The following PRSS54 variants were observed in gnomAD, a reference collection of about 807,000 sequenced individuals.
PRSS54 encodes serine protease 54, also known as inactive serine protease 54.
In PRSS54, 16 loss-of-function variants were observed where a neutral mutation model predicts 19.9. The observed-to-expected ratio is 0.80, with a 90% CI of 0.54 to 1.22. The LOEUF is 1.22. Among genes scored for constraint, PRSS54 ranks in the 50% most tolerant of loss-of-function variants. The pLI, the probability that PRSS54 is intolerant of heterozygous loss-of-function variation, is 0.00. For synonymous variants in PRSS54, 177 were observed against 195.8 expected (o/e 0.90, Z 0.80); for missense variants, 444 against 494.8 (o/e 0.90, Z 0.97).
intron 3 of PRSS54, 101 bp from the exon 4 acceptor site, chr16:58,291,237 C>A (rs1965034167): frequency 9.0e-7 from 1 of 1,108,482 alleles, no homozygotes; most frequent in African/African-American, 1.6e-5. Flanking sequence ...CTATCCGCAA[C>A]CCCTTTTCTT....
At chr16:58,286,632 T>G (rs1964926515) in intron 4 of PRSS54, among the ~76,000 whole-genome samples, 1 of 152,224 alleles carries the variant, frequency 6.6e-6, no homozygotes, top group Non-Finnish European at 1.5e-5. Context: ...TGTAAATACA[T>G]TTTGGAGAAA....
rs1362125201 is a variant in PRSS54, at chr16:58,280,221, G to A, written c.*3C>T. 3 of 1,604,912 alleles carry A rather than the reference G, an allele frequency of 1.9e-6. No homozygotes were observed. The highest frequency in any genetic ancestry group is 2.6e-6 in the Non-Finnish European group (3 of 1,175,574). Reference sequence around the variant, plus strand: ...TCTTCAGTTTGGTGGGGTAGCTCCTGGACTAGATACTGCTGCAAAAGAAAA... The same window carrying A: ...TCTTCAGTTTGGTGGGGTAGCTCCTAGACTAGATACTGCTGCAAAAGAAAA... On this transcript the variant is annotated 3_prime_UTR_variant, in exon 7 of 7. Transcript: ENST00000567164.
Position 58,285,723 on chromosome 16 carries a change from C to CA in PRSS54, c.522+213dup, listed in dbSNP as rs1178010291. ...CCACTGCATGGAAAAGACCCTGTCT[C>CA]AAAAAAAAAAAAAAAAAAAAAAAGA... On this transcript the variant is annotated intron_variant, in intron 5 of 6. Transcript: ENST00000567164. Among the ~76,000 whole-genome samples, 449 of 78,802 alleles carry CA rather than the reference C, an allele frequency of 5.7e-3. 3 individuals carry two copies. The highest frequency in any genetic ancestry group is 0.048 in the East Asian group (108 of 2,268). The allele number at this position is 78,802 out of a possible 152,430, so 51.7% of individuals were successfully genotyped here.
At chr16:58,281,013 T>C in intron 6 of PRSS54, 2 of 472,648 alleles carry the variant, frequency 4.2e-6, no homozygotes, top group South Asian at 3.5e-5. Context: ...TATTTCATTT[T>C]CTTGCCCCTT....
chr16:58,285,468 G>T (rs947645212), intron 5 of PRSS54, among the ~76,000 whole-genome samples: 2 of 152,174 alleles, frequency 1.3e-5, no homozygotes, highest in Admixed American at 6.5e-5. Context: ...TGGGTGCAGT[G>T]GCTCACGCCT....
rs143446844 is a variant in PRSS54, at chr16:58,284,618, G to A, written c.626C>T (p.Thr209Met). 483 of 1,613,948 alleles carry A rather than the reference G, an allele frequency of 3.0e-4. 3 individuals are homozygous for A. In the Admixed American group the frequency reaches 3.9e-3, roughly 13 times the overall value. ...GCAGGCAGTCTTGGTTTCCTCTTTC[G>A]TGTGGCTGCCGCATTCTGTCTTCTG... Reference protein sequence around the residue: ...KLQKTECGSHTKEETKTACLG... With the variant: ...KLQKTECGSHMKEETKTACLG... Residue 209 changes from threonine (T) to methionine (M), a missense_variant, in exon 6 of 7, where the codon ACG becomes ATG. Physicochemically the swap from Thr to Met is moderately conservative, Grantham distance 81. Transcript: ENST00000567164.
In PRSS54 at chr16:58,280,753, T is replaced by TC. The variant is rs1384183201; in HGVS notation, c.658dup (p.Asp220GlyfsTer27). 6.3e-7 allele frequency: 1 copy of TC among 1,599,604 alleles called. No homozygotes were observed. The highest frequency in any genetic ancestry group is 1.7e-5 in the Admixed American group (1 of 59,008). On this transcript the variant is annotated frameshift_variant, in exon 7 of 7. Transcript: ENST00000567164. LOFTEE classifies it low-confidence loss of function (END_TRUNC). Reference sequence around the variant, plus strand: ...CTGGCACATCATTGGGCTTCCTGGGTCCCCCTGTGATAAAAGACAGAAGGC... The same window carrying TC: ...CTGGCACATCATTGGGCTTCCTGGGTCCCCCCTGTGATAAAAGACAGAAGGC...
At chr16:58,284,832 T>G (rs1596900673) in intron 5 of PRSS54, 111 bp from the exon 6 acceptor site, 4 of 894,956 alleles carry the variant, frequency 4.5e-6, no homozygotes, top group Non-Finnish European at 6.7e-6. Flanking sequence ...TTTTTTTTTT[T>G]GAGTTGGAGT....
At chr16:58,290,532 G>A (rs1965014476) in intron 4 of PRSS54, among the ~76,000 whole-genome samples, 1 of 152,114 alleles carries the variant, frequency 6.6e-6, no homozygotes, top group East Asian at 1.9e-4. Flanking sequence ...TCTTAAAAGC[G>A]CTTCTGTATT....
intron 4 of PRSS54, 39 bp downstream of exon 4, chr16:58,290,920 C>G (rs1965022698): frequency 1.2e-6 from 2 of 1,607,428 alleles, no homozygotes; most frequent in East Asian, 4.5e-5. Flanking sequence ...CACCCTCACC[C>G]CCGGCGATGT....
intron 6 of PRSS54, chr16:58,281,834 T>A (rs1176749231): frequency 6.8e-6 from 1 of 146,930 alleles, no homozygotes; most frequent in Non-Finnish European, 1.5e-5. Context: ...GTGTGTGGTC[T>A]GTCTTGGTCA....
At chr16:58,288,952 A>G (rs559629938) in intron 4 of PRSS54, among the ~76,000 whole-genome samples, 2 of 152,326 alleles carry the variant, frequency 1.3e-5, no homozygotes, top group East Asian at 3.9e-4. Context: ...TATGAACTCA[A>G]TTGCGTTCTC....
chr16:58,285,744 A>AAAAAAAAAAAAG (rs146167626), intron 5 of PRSS54, among the ~76,000 whole-genome samples, 193 bp downstream of exon 5: 2 of 77,346 alleles, frequency 2.6e-5, no homozygotes, highest in African/African-American at 1.4e-4. Flanking sequence ...AAAAAAAAAA[A>AAAAAAAAAAAAG]AAGAAGAAGA....
At chr16:58,292,990 G>T (rs1296682235) in intron 3 of PRSS54, among the ~76,000 whole-genome samples, 1 of 152,176 alleles carries the variant, frequency 6.6e-6, no homozygotes, top group Non-Finnish European at 1.5e-5. Context: ...AGAAGACAGA[G>T]AGCTGCAGGA....
At chr16:58,290,886 C>G in intron 4 of PRSS54, 73 bp downstream of exon 4, 1 of 1,537,954 alleles carries the variant, frequency 6.5e-7, no homozygotes, top group Non-Finnish European at 8.9e-7. Flanking sequence ...CCTCCCCAGG[C>G]TGAGCAGGAA....
At chr16:58,293,870 A>G (rs2288014) in intron 2 of PRSS54, 48 bp from the exon 3 acceptor site, 37,282 of 1,495,128 alleles carry the variant, frequency 0.025, 739 homozygotes, top group African/African-American at 0.079. Context: ...AAACACATGC[A>G]GGGTTTTCTA....
intron 5 of PRSS54, 42 bp from the exon 6 acceptor site, chr16:58,284,763 G>C: frequency 6.2e-7 from 1 of 1,611,256 alleles, no homozygotes; most frequent in East Asian, 2.2e-5. Flanking sequence ...TTAACGAGAA[G>C]GCAGTCCCCT....
chr16:58,293,929 C>T, intron 2 of PRSS54, 56 bp downstream of exon 2: 1 of 905,534 alleles, frequency 1.1e-6, no homozygotes. Flanking sequence ...CCCTCCCAAA[C>T]ATCAGAGGCT....
Position 58,280,114 on chromosome 16 carries a change from G to A in PRSS54, c.*110C>T, listed in dbSNP as rs193248884. On this transcript the variant is annotated 3_prime_UTR_variant, in exon 7 of 7. Transcript: ENST00000567164. ...CCCAGTGTATGCCATGGGCTTATCC[G>A]TGGCAGCCCCAGTGTGCAACTATCA... The A allele has an allele frequency of 2.5e-5, 28 of 1,122,094 alleles. No homozygotes were observed. The African/African-American group carries it at 3.3e-4, about 13-fold the overall frequency. The allele number at this position is 1,122,094 out of a possible 1,614,324, so 69.5% of individuals were successfully genotyped here. A position where few individuals can be genotyped will look rare whatever the true frequency, so the allele number is the denominator to read the frequency against.
Sources: gnomAD v4.1 joint callset for allele counts (sites outside exome capture counted in the v4.1 genomes callset) on GRCh38, gnomAD v4.1.1 for gene constraint, MANE v1.5 for transcripts, NCBI Gene and HGNC (gene_info 2026-07-23, HGNC 2026-07-21) for gene names.